The following CLVS1 variants were observed in gnomAD, a reference collection of about 807,000 sequenced individuals.
CLVS1 encodes clavesin-1.
A neutral mutation model predicts 33.1 loss-of-function variants in CLVS1; 10 were observed. The observed-to-expected ratio is 0.30, with a 90% CI of 0.19 to 0.51. CLVS1 has a LOEUF of 0.51. Ranked by LOEUF, CLVS1 falls within the 20% of genes least tolerant of loss-of-function variation. The pLI, the probability that CLVS1 is intolerant of heterozygous loss-of-function variation, is 0.97. For synonymous variants in CLVS1, 163 were observed against 166.1 expected, an observed-to-expected ratio of 0.98 and a Z score of 0.14; for missense variants, 343 against 433.4, an observed-to-expected ratio of 0.79 and a Z score of 1.85.
chr8:61,106,875 G>A (rs144631332), intron 1 of CLVS1, among the ~76,000 whole-genome samples: 261 of 152,212 alleles, frequency 1.7e-3, no homozygotes, highest in African/African-American at 5.8e-3. Flanking sequence ...GCAAGCAGAG[G>A]GCCAGGTGCT....
chr8:61,426,381 G>A (rs1299311078), intron 3 of CLVS1, among the ~76,000 whole-genome samples: 1 of 152,142 alleles, frequency 6.6e-6, no homozygotes, highest in African/African-American at 2.4e-5. Context: ...TTTACTAATT[G>A]TATCCTGTAT....
intron 3 of CLVS1, among the ~76,000 whole-genome samples, chr8:61,453,597 G>A (rs2129607009): frequency 6.6e-6 from 1 of 152,236 alleles, no homozygotes; most frequent in East Asian, 1.9e-4. Context: ...TTATAACCTT[G>A]TTAGCATTTG....
the CLVS1 span, among the ~76,000 whole-genome samples, chr8:60,984,315 TTTTTTTTTTTTC>T: frequency 5.9e-3 from 866 of 146,068 alleles, 13 homozygotes; most frequent in African/African-American, 0.021. Flanking sequence ...TTTCCTCTTC[TTTTTTTTTTTTC>T]TTTTTTTTTT....
intron 2 of CLVS1, among the ~76,000 whole-genome samples, chr8:61,251,957 A>G (rs1056624370): frequency 1.3e-5 from 2 of 151,898 alleles, no homozygotes; most frequent in African/African-American, 4.8e-5. Context: ...GTCTTCTGCT[A>G]ATTTTTGAAT....
At chr8:61,041,983 G>A in the CLVS1 span, among the ~76,000 whole-genome samples, 117 of 152,012 alleles carry the variant, frequency 7.7e-4, 1 homozygote, top group African/African-American at 2.8e-3. Flanking sequence ...TGAATTATAC[G>A]AGAAAAAAAA....
chr8:61,403,304 T>C (rs1814844097), intron 3 of CLVS1, among the ~76,000 whole-genome samples: 1 of 152,170 alleles, frequency 6.6e-6, no homozygotes, highest in Non-Finnish European at 1.5e-5. Flanking sequence ...GGAGGCCCTG[T>C]CAGCCTTGGG....
At chr8:61,191,745 G>A (rs1563438793) in intron 2 of CLVS1, among the ~76,000 whole-genome samples, 1 of 152,100 alleles carries the variant, frequency 6.6e-6, no homozygotes, top group Non-Finnish European at 1.5e-5. Context: ...GACAAACAGA[G>A]AGCCAAATCA....
intron 5 of CLVS1, among the ~76,000 whole-genome samples, chr8:61,467,993 A>G (rs1320113300): frequency 3.9e-5 from 6 of 152,210 alleles, no homozygotes; most frequent in East Asian, 3.9e-4. Flanking sequence ...AATAATCACA[A>G]ATTCAGTGTA....
At chr8:61,382,319 G>A (rs1225978273) in intron 3 of CLVS1, among the ~76,000 whole-genome samples, 2 of 152,138 alleles carry the variant, frequency 1.3e-5, no homozygotes, top group East Asian at 1.9e-4. Flanking sequence ...ATCCTGACTC[G>A]TGGTGTATTC....
At chr8:61,193,053 A>C (rs1585678008) in intron 2 of CLVS1, among the ~76,000 whole-genome samples, 1 of 152,192 alleles carries the variant, frequency 6.6e-6, no homozygotes, top group South Asian at 2.1e-4. Context: ...TCATGCTGCT[A>C]TAAAGACACA....
chr8:61,271,943 C>A (rs1240975777), intron 2 of CLVS1, among the ~76,000 whole-genome samples: 1 of 151,936 alleles, frequency 6.6e-6, no homozygotes, highest in Non-Finnish European at 1.5e-5. Flanking sequence ...GAATACAGCA[C>A]ACTGATGGGT....
intron 2 of CLVS1, among the ~76,000 whole-genome samples, chr8:61,148,381 T>C (rs190051771): frequency 2.4e-4 from 37 of 152,194 alleles, no homozygotes; most frequent in Non-Finnish European, 4.9e-4. Context: ...AATGACAACA[T>C]CCACAGTACA....
At chr8:61,297,673 C>T (rs749428098) in intron 1 of CLVS1, among the ~76,000 whole-genome samples, 5 of 152,078 alleles carry the variant, frequency 3.3e-5, no homozygotes, top group African/African-American at 4.8e-5. Flanking sequence ...AAAGGAGCTA[C>T]GGACTGATGT....
chr8:61,234,067 T>A (rs1029786243), intron 2 of CLVS1, among the ~76,000 whole-genome samples: 1 of 151,908 alleles, frequency 6.6e-6, no homozygotes, highest in African/African-American at 2.4e-5. Flanking sequence ...TGGGAAGGGA[T>A]GATGGGAGGG....
At chr8:61,255,929 A>C (rs1278099248) in intron 2 of CLVS1, among the ~76,000 whole-genome samples, 1 of 152,168 alleles carries the variant, frequency 6.6e-6, no homozygotes, top group Non-Finnish European at 1.5e-5. Flanking sequence ...CAAAAATATT[A>C]TTTGAGTTTT....
chr8:61,097,508 C>G (rs3943823), intron 1 of CLVS1, among the ~76,000 whole-genome samples: 33,652 of 151,960 alleles, frequency 0.22, 3,972 homozygotes, highest in East Asian at 0.3. Flanking sequence ...CGTGTTGCTT[C>G]TGCATTTCTC....
chr8:61,099,204 T>G (rs1443085915), intron 1 of CLVS1, among the ~76,000 whole-genome samples: 2 of 152,102 alleles, frequency 1.3e-5, no homozygotes, highest in East Asian at 3.9e-4. Flanking sequence ...TGGACGTCAT[T>G]GTCGTTTTAG....
At chr8:61,205,570 G>C (rs1260339326) in intron 2 of CLVS1, among the ~76,000 whole-genome samples, 1 of 152,174 alleles carries the variant, frequency 6.6e-6, no homozygotes, top group Admixed American at 6.5e-5. Flanking sequence ...AACATGATGT[G>C]CAATATCTTT....
chr8:61,453,301 C>G (rs1817029674), intron 3 of CLVS1, among the ~76,000 whole-genome samples: 1 of 151,888 alleles, frequency 6.6e-6, no homozygotes, highest in African/African-American at 2.4e-5. Context: ...GCCATGGTCC[C>G]CTGTTCTGTA....
Sources: allele counts gnomAD v4.1 joint callset (sites outside exome capture counted in the v4.1 genomes callset), GRCh38; gene constraint gnomAD v4.1.1; transcripts MANE v1.5; gene names NCBI Gene and HGNC (gene_info 2026-07-23, HGNC 2026-07-21).